The following IRX4 variants were observed in gnomAD, a reference collection of about 807,000 sequenced individuals.
The protein encoded by IRX4 is iroquois homeobox 4.
In IRX4, 22 loss-of-function variants were observed where a neutral mutation model predicts 32.0. That is an observed-to-expected ratio of 0.69 (90% CI 0.49 to 0.98). IRX4 has a LOEUF of 0.98. Among genes scored for constraint, IRX4 ranks in the 50% least tolerant of loss-of-function variants. IRX4 has a pLI of 0.00. For missense variants in IRX4, 840 were observed against 744.2 expected, an observed-to-expected ratio of 1.13 and a Z score of -1.50; for synonymous variants, 379 against 351.7, an observed-to-expected ratio of 1.08 and a Z score of -0.87.
At chr5:1,880,235 G>T in intron 3 of IRX4, 1 of 990,016 alleles carries the variant, frequency 1.0e-6, no homozygotes, top group Non-Finnish European at 1.5e-6. Context: ...GGAGGAGAAA[G>T]CACCCAAGGG....
Position 1,878,717 on chromosome 5 carries a change from G to T in IRX4, c.812C>A (p.Pro271Gln). The T allele has an allele frequency of 6.2e-7, 1 of 1,612,652 alleles. No homozygotes were observed. The highest frequency in any genetic ancestry group is 1.1e-5 in the South Asian group (1 of 91,056). The stretch of plus-strand genomic sequence containing the variant: ...GAAGGGCGGCTTCAGCTCGCACGCC[G>T]GCGGCTCTGCTTCCAGCGGGTCGAA... ...DDFDPLEAEP[P>Q]ACELKPPFHS... is the part of the protein sequence containing the mutation. Residue 271 changes from proline (P) to glutamine (Q), a missense_variant, in exon 5 of 5, where the codon CCG (proline) becomes CAG (glutamine). Physicochemically the swap from Pro to Gln is moderately conservative, Grantham distance 76. Transcript: ENST00000231357.
chr5:1,878,456 G>A lies in IRX4; in HGVS notation c.1073C>T (p.Ala358Val). Residue 358 changes from alanine (A) to valine (V), a missense_variant, in exon 5 of 5, where the codon GCG becomes GTG. Physicochemically the swap from Ala to Val is moderately conservative, Grantham distance 64. Coordinates refer to ENST00000231357, the MANE Select transcript of IRX4 (RefSeq NM_016358.3). Reference sequence around the variant, plus strand: ...CGGCTTAGCCTCCAGGCCTGCCGACGCCCCCGCCGGCACAAACCCCAGCTT... The same window carrying A: ...CGGCTTAGCCTCCAGGCCTGCCGACACCCCCGCCGGCACAAACCCCAGCTT... ...EAKLGFVPAG[A>V]SAGLEAKPRI... is the part of the protein sequence containing the mutation. The A allele has an allele frequency of 6.9e-7, 1 of 1,453,054 alleles. No homozygotes were observed. 90.0% of individuals were successfully genotyped at this position (1,453,054 alleles called of 1,614,324 possible).
At position 1,880,727 on chromosome 5, in the gene IRX4, G is replaced by A. The variant is rs1178882717; in HGVS notation, c.405C>T (p.Asp135=). 2 of 1,610,188 alleles carry A rather than the reference G, an allele frequency of 1.2e-6. No individual in the cohort carries two copies. Among genetic ancestry groups the A allele is most frequent in the African/African-American group, 2.7e-5 (2 of 74,844 alleles). Residue 135 remains aspartate, a splice_region_variant and synonymous_variant, in exon 3 of 5, where the codon GAC becomes GAT. Coordinates refer to ENST00000231357, the MANE Select transcript of IRX4 (RefSeq NM_016358.3). ...YEPALGQYPY[D]RYGTMDSGTR... is the part of the protein sequence containing the mutation. ...GGTTAGGAGGGGTGGGTCCTCACCT[G>A]TCATAGGGGTACTGGCCCAGAGCTG...
upstream of IRX4, among the ~76,000 whole-genome samples, chr5:1,885,146 C>T (rs1472379355): frequency 2.0e-5 from 3 of 152,192 alleles, no homozygotes; most frequent in East Asian, 5.8e-4. Context: ...ATGCCCTGCA[C>T]CTCTGGGCTC....
chr5:1,880,754 C>T lies in IRX4; in HGVS notation c.378G>A (p.Glu126=), dbSNP rs763373457. 1.2e-6 allele frequency: 2 copies of T among 1,613,764 alleles called. No homozygotes were observed. Among genetic ancestry groups the T allele is most frequent in the South Asian group, 1.1e-5 (1 of 91,078 alleles). ...APAAAAYYPY[E]PALGQYPYDR... Reference sequence around the variant, plus strand: ...CATAGGGGTACTGGCCCAGAGCTGGCTCGTAAGGGTAGTAGGCGGCAGCGG... The same window carrying T: ...CATAGGGGTACTGGCCCAGAGCTGGTTCGTAAGGGTAGTAGGCGGCAGCGG... The change falls in exon 3 of 5, where the codon GAG becomes GAA. Residue 126 remains glutamate (E), a synonymous_variant. Transcript: ENST00000231357.
chr5:1,879,567 C>T lies in IRX4; in HGVS notation c.673G>A (p.Glu225Lys), dbSNP rs773282854. The T allele has an allele frequency of 3.7e-6, 6 of 1,613,680 alleles. No homozygotes were observed. The East Asian group carries it at 6.7e-5, about 18-fold the overall frequency. ...ADEKRPYAEG[E>K]EEEGGEEEAR... ...TCCTCCTCGCCCCCCTCCTCCTCCTCGCCCTCCGCGTAGGGCCGCTTCTCG... is the reference window on the plus strand; with the variant it reads ...TCCTCCTCGCCCCCCTCCTCCTCCTTGCCCTCCGCGTAGGGCCGCTTCTCG... Residue 225 changes from glutamate (E) to lysine (K), a missense_variant, in exon 4 of 5, where the codon GAG becomes AAG. Around this residue, in one of 3 missense-constraint regions of IRX4, gnomAD observed 585 missense variants for 488.0 expected, o/e 1.20. Transcript: ENST00000231357.
chr5:1,878,007 C>A lies in IRX4; in HGVS notation c.1522G>T (p.Ala508Ser). ...GGTTTGCCGCCGGCCTTGGGCAGGG[C>A]GAGCAGCTCCCTGGCGGCGCCTGCA... Reference protein sequence around the residue: ...PAAGAARELLALPKAGGKPFC... With the variant: ...PAAGAARELLSLPKAGGKPFC... The change falls in exon 5 of 5, where the codon GCC becomes TCC. Residue 508 changes from alanine to serine, a missense_variant. By Grantham distance (99) the Ala-to-Ser change is moderately conservative (BLOSUM62 1). Transcript: ENST00000231357. 6.6e-7 allele frequency: 1 copy of A among 1,506,026 alleles called. No homozygotes were observed. The highest frequency in any genetic ancestry group is 8.8e-7 in the Non-Finnish European group (1 of 1,132,980). 93.3% of individuals were successfully genotyped at this position (1,506,026 alleles called of 1,614,324 possible). A position where few individuals can be genotyped will look rare whatever the true frequency, so the allele number is the denominator to read the frequency against.
chr5:1,878,787 CG>C lies in IRX4; in HGVS notation c.741del (p.Val248TrpfsTer28), dbSNP rs766660229. 1 of 1,613,148 alleles carries C rather than the reference CG, an allele frequency of 6.2e-7. No homozygotes were observed. Among genetic ancestry groups the C allele is most frequent in the Non-Finnish European group, 8.5e-7 (1 of 1,179,830 alleles). On this transcript the variant is annotated frameshift_variant, in exon 5 of 5. Coordinates refer to ENST00000231357, the MANE Select transcript of IRX4 (RefSeq NM_016358.3). LOFTEE classifies it low-confidence loss of function (END_TRUNC). ...TCCAGCTCCTTCTCCTCTTTGCCCA[CG>C]GGCTCTGCGGGAGAGAATGCGTGGC... ...EPLKSSKNAEPVGKEEKELEL... is the reference protein window; with the variant it reads ...EPLKSSKNAEXVGKEEKELEL...
At position 1,880,852 on chromosome 5, in the gene IRX4, CTG is replaced by C; in HGVS notation, c.298-20_298-19del. The stretch of plus-strand genomic sequence containing the variant: ...AAGCTGTTCTGTGGGAGCCAAGAGT[CTG>C]GGGTCGCAGTTTCCAGGGAGGCAAC... On this transcript the variant is annotated intron_variant, in intron 2 of 4. Coordinates refer to ENST00000231357, the MANE Select transcript of IRX4 (RefSeq NM_016358.3). 6.2e-7 allele frequency: 1 copy of C among 1,603,514 alleles called. No homozygotes were observed. Among genetic ancestry groups the C allele is most frequent in the Non-Finnish European group, 8.5e-7 (1 of 1,171,062 alleles).
At chr5:1,880,663 T>C in intron 3 of IRX4, 62 bp downstream of exon 3, 1 of 1,091,062 alleles carries the variant, frequency 9.2e-7, no homozygotes, top group South Asian at 1.3e-5. Flanking sequence ...GGAGGGGAGT[T>C]GGTGGCTGAC....
chr5:1,885,752 C>T (rs1244303550), upstream of IRX4, among the ~76,000 whole-genome samples: 1 of 152,250 alleles, frequency 6.6e-6, no homozygotes. Flanking sequence ...ACCCTTCTCC[C>T]ATAGATAATA....
Position 1,881,931 on chromosome 5 carries a change from G to A in IRX4, c.174C>T (p.Ala58=), listed in dbSNP as rs1216925790. 9.5e-6 allele frequency: 15 copies of A among 1,577,884 alleles called. No homozygotes were observed. The highest frequency in any genetic ancestry group is 9.4e-5 in the East Asian group (4 of 42,364). Residue 58 remains alanine, a synonymous_variant, in exon 2 of 5, where the codon GCC becomes GCT. Coordinates refer to ENST00000231357, the MANE Select transcript of IRX4 (RefSeq NM_016358.3). ...YCPVYESRLL[A]TARHELNSAA... Reference sequence around the variant, plus strand: ...CCGAGTTGAGCTCGTGGCGCGCGGTGGCCAGCAGCCGGCTCTCGTAGACCG... The same window carrying A: ...CCGAGTTGAGCTCGTGGCGCGCGGTAGCCAGCAGCCGGCTCTCGTAGACCG...
In IRX4 at chr5:1,882,535, C is replaced by T. The variant is rs1349873055; in HGVS notation, c.45+68G>A. On this transcript the variant is annotated intron_variant, in intron 1 of 4. Transcript: ENST00000231357. ...CAGTCGTAGGTCGGACACTCCCCAC[C>T]CCCCGTCCCCGCCCCATCCGCCCTA... 19 of 1,351,938 alleles carry T rather than the reference C, an allele frequency of 1.4e-5. No individual in the cohort carries two copies. The East Asian group carries it at 2.8e-4, about 20-fold the overall frequency. The allele number at this position is 1,351,938 out of a possible 1,614,324, so 83.7% of individuals were successfully genotyped here.
rs772069734 is a variant in IRX4, at chr5:1,878,653, C to T, written c.876G>A (p.Ala292=). 17 of 1,566,194 alleles carry T rather than the reference C, an allele frequency of 1.1e-5. No individual in the cohort carries two copies. The highest frequency in any genetic ancestry group is 1.4e-5 in the Non-Finnish European group (16 of 1,156,120). ...LDGGLERVPA[A]PDGPVKEASG... ...AGGCCTCCTTGACCGGGCCGTCGGG[C>T]GCGGCGGGGACGCGCTCCAGACCGC... Residue 292 remains alanine (A), a synonymous_variant, in exon 5 of 5, where the codon GCG becomes GCA. Coordinates refer to ENST00000231357, the MANE Select transcript of IRX4 (RefSeq NM_016358.3).
upstream of IRX4, among the ~76,000 whole-genome samples, chr5:1,884,985 A>G (rs887282535): frequency 4.1e-5 from 6 of 147,610 alleles, no homozygotes; most frequent in African/African-American, 1.5e-4. Flanking sequence ...CAGCCGGGCC[A>G]AGGGCTGGGA....
Position 1,878,061 on chromosome 5 carries a change from G to C in IRX4, c.1468C>G (p.Pro490Ala). 3 of 1,513,426 alleles carry C rather than the reference G, an allele frequency of 2.0e-6. No individual in the cohort carries two copies. The highest frequency in any genetic ancestry group is 2.6e-6 in the Non-Finnish European group (3 of 1,135,836). 93.7% of individuals were successfully genotyped at this position (1,513,426 alleles called of 1,614,324 possible). The change falls in exon 5 of 5, where the codon CCG becomes GCG. Residue 490 changes from proline (P) to alanine (A), a missense_variant. Around this residue, in one of 3 missense-constraint regions of IRX4, gnomAD observed 585 missense variants for 488.0 expected, o/e 1.20. Coordinates refer to ENST00000231357, the MANE Select transcript of IRX4 (RefSeq NM_016358.3). ...VLTAPLARAF[P>A]PAVPQDAPAA... ...GGGGCGTCCTGGGGCACGGCAGGCG[G>C]AAAGGCGCGGGCCAGGGGTGCAGTC...
chr5:1,880,190 G>A (rs1381381182), intron 3 of IRX4: 3 of 1,434,366 alleles, frequency 2.1e-6, no homozygotes, highest in African/African-American at 1.4e-5. Context: ...ACCCTGAGAT[G>A]TAACACGTGT....
At position 1,881,878 on chromosome 5, in the gene IRX4, G is replaced by A; in HGVS notation, c.227C>T (p.Pro76Leu). 1 of 1,585,822 alleles carries A rather than the reference G, an allele frequency of 6.3e-7. No individual in the cohort carries two copies. Reference protein sequence around the residue: ...SAAALGVYGGPYGGSQGYGNY... With the variant: ...SAAALGVYGGLYGGSQGYGNY... The stretch of plus-strand genomic sequence containing the variant: ...GCCATAGCCCTGCGATCCGCCATAG[G>A]GACCCCCATAGACGCCCAGCGCCGC... Residue 76 changes from proline (P) to leucine (L), a missense_variant, in exon 2 of 5, where the codon CCC becomes CTC. Physicochemically the swap from Pro to Leu is moderately conservative, Grantham distance 98. Around this residue, in one of 3 missense-constraint regions of IRX4, gnomAD observed 241 missense variants for 220.8 expected, o/e 1.09. Transcript: ENST00000231357.
Position 1,882,908 on chromosome 5 carries a change from C to A in IRX4, c.-261G>T. The A allele has an allele frequency of 3.2e-6, 1 of 316,158 alleles. No individual in the cohort carries two copies. The highest frequency in any genetic ancestry group is 5.7e-6 in the Non-Finnish European group (1 of 176,326). The allele number at this position is 316,158 out of a possible 1,614,324, so 19.6% of individuals were successfully genotyped here. A position where few individuals can be genotyped will look rare whatever the true frequency, so the allele number is the denominator to read the frequency against. ...GGACCGAGCGGCCTCGCAGCGGCGA[C>A]AGAAATACATATTTTACGAAAAAGA... On this transcript the variant is annotated 5_prime_UTR_variant, in exon 1 of 5. Coordinates refer to ENST00000231357, the MANE Select transcript of IRX4 (RefSeq NM_016358.3).
Sources: allele counts gnomAD v4.1 joint callset (sites outside exome capture counted in the v4.1 genomes callset), GRCh38; gene constraint gnomAD v4.1.1; regional missense constraint gnomAD v4.1.1; transcripts MANE v1.5; gene names NCBI Gene and HGNC (gene_info 2026-07-23, HGNC 2026-07-21).